GRIK1: variants seen among roughly 807,000 people sequenced by gnomAD.
GRIK1 encodes the protein glutamate ionotropic receptor kainate type subunit 1.
GRIK1 carries 69 observed loss-of-function variants against 105.7 expected under a neutral mutation model. That is an observed-to-expected ratio of 0.65 (90% CI 0.54 to 0.80). The LOEUF (loss-of-function observed/expected upper bound fraction) is 0.80, where lower values mean the gene tolerates loss of function less well. Among genes scored for constraint, GRIK1 ranks in the 30% least tolerant of loss-of-function variants. GRIK1 has a pLI of 0.00. For missense variants in GRIK1, 1,109 were observed against 1,167.3 expected (o/e 0.95, Z 0.73); for synonymous variants, 438 against 431.3 (o/e 1.02, Z -0.19).
intron 7 of GRIK1, among the ~76,000 whole-genome samples, chr21:29,614,257 G>A (rs363442): frequency 0.063 from 9,533 of 152,120 alleles, 442 homozygotes; most frequent in African/African-American, 0.12. Flanking sequence ...CAGTCCTGGA[G>A]GCATTTACGC....
intron 1 of GRIK1, among the ~76,000 whole-genome samples, chr21:29,842,566 T>G (rs572538959): frequency 2.6e-5 from 4 of 152,316 alleles, no homozygotes; most frequent in African/African-American, 9.6e-5. Context: ...AGCAGTATGT[T>G]CTTGGTACTT....
chr21:29,568,648 A>G (rs2146204598), intron 14 of GRIK1, among the ~76,000 whole-genome samples: 1 of 152,328 alleles, frequency 6.6e-6, no homozygotes, highest in East Asian at 1.9e-4. Context: ...TTACAAGGCA[A>G]GCTTCTACTG....
intron 1 of GRIK1, among the ~76,000 whole-genome samples, chr21:29,743,965 A>G (rs2064989505): frequency 6.6e-6 from 1 of 152,324 alleles, no homozygotes; most frequent in African/African-American, 2.4e-5. Flanking sequence ...ATCAAGAAGA[A>G]TAACTAATGG....
intron 14 of GRIK1, among the ~76,000 whole-genome samples, chr21:29,570,635 C>T (rs2090721795): frequency 6.6e-6 from 1 of 152,180 alleles, no homozygotes. Flanking sequence ...CCCAAAACAT[C>T]TCCAACAGTA....
intron 4 of GRIK1, among the ~76,000 whole-genome samples, chr21:29,659,552 G>A (rs756070475): frequency 7.2e-5 from 11 of 152,212 alleles, no homozygotes; most frequent in South Asian, 6.2e-4. Context: ...TGCTTTCTCC[G>A]TATCATGCTA....
intron 7 of GRIK1, 113 bp downstream of exon 7, chr21:29,642,713 T>C: frequency 1.2e-6 from 1 of 861,466 alleles, no homozygotes; most frequent in Non-Finnish European, 1.8e-6. Context: ...GATGATGGCT[T>C]CCTCTCTCTT....
At chr21:29,580,495 C>G (rs553601872) in intron 13 of GRIK1, among the ~76,000 whole-genome samples, 3,501 of 152,186 alleles carry the variant, frequency 0.023, 134 homozygotes, top group African/African-American at 0.078. Flanking sequence ...CAGTCTCTCT[C>G]TCTCTAATTT....
intron 1 of GRIK1, among the ~76,000 whole-genome samples, chr21:29,713,892 C>T (rs2064116561): frequency 6.6e-6 from 1 of 152,024 alleles, no homozygotes; most frequent in South Asian, 2.1e-4. Flanking sequence ...TTTTATTGCA[C>T]TAATTTGTTT....
At chr21:29,877,364 T>A (rs533909580) in intron 1 of GRIK1, among the ~76,000 whole-genome samples, 36 of 152,144 alleles carry the variant, frequency 2.4e-4, no homozygotes, top group South Asian at 2.1e-4. Context: ...TTCAAAGTAT[T>A]TTCTCATTAA....
At chr21:29,608,246 G>A (rs1011436442) in intron 7 of GRIK1, among the ~76,000 whole-genome samples, 1 of 152,136 alleles carries the variant, frequency 6.6e-6, no homozygotes, top group Non-Finnish European at 1.5e-5. Flanking sequence ...GCAAGCTCAT[G>A]TGTATAAGGT....
At chr21:29,629,045 G>T (rs2062197045) in intron 7 of GRIK1, among the ~76,000 whole-genome samples, 1 of 152,112 alleles carries the variant, frequency 6.6e-6, no homozygotes, top group African/African-American at 2.4e-5. Flanking sequence ...GGTACTAAGT[G>T]AATAAAATGA....
At chr21:29,852,820 A>G (rs2068350345) in intron 1 of GRIK1, among the ~76,000 whole-genome samples, 1 of 152,220 alleles carries the variant, frequency 6.6e-6, no homozygotes, top group South Asian at 2.1e-4. Context: ...TCAAAGTTAG[A>G]TTTGAAATTG....
At chr21:29,664,971 A>G (rs2063032422) in intron 4 of GRIK1, among the ~76,000 whole-genome samples, 1 of 152,204 alleles carries the variant, frequency 6.6e-6, no homozygotes, top group Non-Finnish European at 1.5e-5. Context: ...ACATATCTTC[A>G]AATACTTTTA....
intron 1 of GRIK1, among the ~76,000 whole-genome samples, chr21:29,723,288 G>A (rs1202578354): frequency 1.3e-5 from 2 of 152,138 alleles, no homozygotes; most frequent in African/African-American, 2.4e-5. Flanking sequence ...AAAAGTATTA[G>A]CTATTGGAAT....
intron 7 of GRIK1, among the ~76,000 whole-genome samples, chr21:29,623,869 G>T (rs989666721): frequency 6.6e-6 from 1 of 152,184 alleles, no homozygotes; most frequent in Non-Finnish European, 1.5e-5. Context: ...TAATGCCAAA[G>T]TAATCTTTCA....
chr21:29,756,840 G>A lies in GRIK1; in HGVS notation c.119-62777C>T, dbSNP rs750769553. On this transcript the variant is annotated intron_variant, in intron 1 of 17. Transcript: ENST00000327783. Reference sequence around the variant, plus strand: ...TTGAAATACAAACCAGTGGCCGGGCGCGGTGGCTCACACCTGTAATCCCAG... The same window carrying A: ...TTGAAATACAAACCAGTGGCCGGGCACGGTGGCTCACACCTGTAATCCCAG... Among the ~76,000 whole-genome samples, 8 of 152,128 alleles carry A rather than the reference G, an allele frequency of 5.3e-5. No individual in the cohort carries two copies. The East Asian group carries it at 5.8e-4, about 11-fold the overall frequency.
At chr21:29,592,476 A>G (rs1193367793) in intron 9 of GRIK1, among the ~76,000 whole-genome samples, 1 of 152,200 alleles carries the variant, frequency 6.6e-6, no homozygotes, top group African/African-American at 2.4e-5. Context: ...GGAACCCAGA[A>G]GAGGAGCCTT....
At chr21:29,750,236 T>TCCTG (rs1555882946) in intron 1 of GRIK1, among the ~76,000 whole-genome samples, 1 of 115,028 alleles carries the variant, frequency 8.7e-6, no homozygotes, top group Admixed American at 9.9e-5. Context: ...TTCCTTCCCT[T>TCCTG]CCTCCCTCCC....
chr21:29,644,846 T>C (rs1352952345), intron 6 of GRIK1, among the ~76,000 whole-genome samples: 3 of 152,242 alleles, frequency 2.0e-5, no homozygotes. Flanking sequence ...TGAGCACTTA[T>C]GATATGTCGC....
Sources: gnomAD v4.1 joint callset for allele counts (sites outside exome capture counted in the v4.1 genomes callset) on GRCh38, gnomAD v4.1.1 for gene constraint, MANE v1.5 for transcripts, NCBI Gene and HGNC (gene_info 2026-07-23, HGNC 2026-07-21) for gene names.